The following KLHL26 variants were observed in gnomAD, a reference collection of about 807,000 sequenced individuals.
KLHL26 encodes the protein kelch like family member 26.
KLHL26 carries 4 observed loss-of-function variants against 7.1 expected under a neutral mutation model. That is an observed-to-expected ratio of 0.56 (90% CI 0.28 to 1.28). The LOEUF is 1.28. KLHL26 is among the 50% of genes most tolerant of loss of function. KLHL26 has a pLI of 0.11. For missense variants in KLHL26, 896 were observed against 924.6 expected, an observed-to-expected ratio of 0.97 and a Z score of 0.40; for synonymous variants, 465 against 414.1, an observed-to-expected ratio of 1.12 and a Z score of -1.49.
intron 1 of KLHL26, among the ~76,000 whole-genome samples, chr19:18,653,231 C>G (rs550388358): frequency 1.3e-3 from 201 of 152,044 alleles, no homozygotes; most frequent in Non-Finnish European, 1.4e-3. Context: ...ATTTATCTGT[C>G]CATCTATCCA....
In KLHL26 at chr19:18,667,817, C is replaced by T. The variant is rs746113852; in HGVS notation, c.420C>T (p.Ala140=). ...LDCVQDVLGA[A]VFLQMLPVVE... The stretch of plus-strand genomic sequence containing the variant: ...GCGTGCAGGACGTGCTGGGCGCGGC[C>T]GTGTTCTTGCAGATGCTGCCCGTGG... Residue 140 remains alanine, a synonymous_variant, in exon 3 of 3, where the codon GCC becomes GCT. Coordinates refer to ENST00000300976, the MANE Select transcript of KLHL26 (RefSeq NM_018316.3). 3.1e-6 allele frequency: 5 copies of T among 1,613,324 alleles called. No homozygotes were observed. The South Asian group carries it at 4.4e-5, about 14-fold the overall frequency.
In KLHL26 at chr19:18,642,660, G is replaced by A. The variant is rs549402140; in HGVS notation, c.83+5523G>A. On this transcript the variant is annotated intron_variant, in intron 1 of 2. Transcript: ENST00000300976. ...ATTACAGGCGTGAGCCACTGCGCCC[G>A]GCTTGTGGTTTTTTGTTTGTTTGTT... Among the ~76,000 whole-genome samples the A allele has an allele frequency of 1.1e-4, 16 of 150,758 alleles. No individual in the cohort carries two copies. The South Asian group carries it at 3.2e-3, about 30-fold the overall frequency.
intron 2 of KLHL26, chr19:18,667,344 T>TTTTGTTTG (rs540628287): frequency 2.5e-6 from 1 of 407,724 alleles, no homozygotes; most frequent in Admixed American, 3.6e-5. Context: ...CTTTGCATGT[T>TTTTGTTTG]TTTGTTTGTT....
In KLHL26 at chr19:18,668,918, C is replaced by G; in HGVS notation, c.1521C>G (p.Gly507=). 2 of 1,606,210 alleles carry G rather than the reference C, an allele frequency of 1.2e-6. No homozygotes were observed. The highest frequency in any genetic ancestry group is 1.7e-4 in the Middle Eastern group (1 of 6,054). The change falls in exon 3 of 3, where the codon GGC becomes GGG. Residue 507 remains glycine, a synonymous_variant. Coordinates refer to ENST00000300976, the MANE Select transcript of KLHL26 (RefSeq NM_018316.3). ...TGCTACACGCCATGGTGGGTGCCGGCGGCCGCATCTATGCCCTCGGGGGCC... is the reference window on the plus strand; with the variant it reads ...TGCTACACGCCATGGTGGGTGCCGGGGGCCGCATCTATGCCCTCGGGGGCC... ...PRVLHAMVGA[G]GRIYALGGRM...
rs544214396 is a variant in KLHL26 at position 18,646,580 on chromosome 19, C to T, written c.83+9443C>T. Among the ~76,000 whole-genome samples the T allele has an allele frequency of 5.3e-5, 8 of 152,354 alleles. No individual in the cohort carries two copies. Among genetic ancestry groups the T allele is most frequent in the African/African-American group, 1.9e-4 (8 of 41,580 alleles). On this transcript the variant is annotated intron_variant, in intron 1 of 2. Transcript: ENST00000300976. The surrounding 1 kb of genome is among the most constrained non-coding windows in gnomAD (Gnocchi z 5.0). ...TGGGTTGTGGCTGTGACAGATTCCT[C>T]ATCTGGGAAATGGGGCTCCAGGCCC...
intron 1 of KLHL26, among the ~76,000 whole-genome samples, chr19:18,641,573 G>A (rs4808841): frequency 0.38 from 55,720 of 148,390 alleles, 10,897 homozygotes; most frequent in East Asian, 0.51. Context: ...CCTGCCTCAG[G>A]CTCCCAAAGT....
intron 1 of KLHL26, among the ~76,000 whole-genome samples, chr19:18,638,203 T>G (rs1219352712): frequency 6.6e-6 from 1 of 152,196 alleles, no homozygotes; most frequent in Non-Finnish European, 1.5e-5. Context: ...ACATGATAAA[T>G]GATGAAGTTG....
chr19:18,638,062 T>C (rs1278521835), intron 1 of KLHL26, among the ~76,000 whole-genome samples: 3 of 152,190 alleles, frequency 2.0e-5, no homozygotes, highest in Non-Finnish European at 4.4e-5. Flanking sequence ...GATCTCCTGC[T>C]CTTTTCCTAT....
intron 2 of KLHL26, chr19:18,667,343 T>G: frequency 1.2e-5 from 5 of 410,120 alleles, no homozygotes; most frequent in Non-Finnish European, 1.8e-5. Context: ...CCTTTGCATG[T>G]TTTTGTTTGT....
intron 1 of KLHL26, among the ~76,000 whole-genome samples, chr19:18,638,082 C>T (rs1327408307): frequency 6.6e-6 from 1 of 152,212 alleles, no homozygotes; most frequent in Non-Finnish European, 1.5e-5. Context: ...TTGGGCAAAG[C>T]CAGACCCTCC....
At chr19:18,639,890 T>C (rs1397535307) in intron 1 of KLHL26, among the ~76,000 whole-genome samples, 1 of 152,122 alleles carries the variant, frequency 6.6e-6, no homozygotes, top group Non-Finnish European at 1.5e-5. Flanking sequence ...CTTTGCCTTT[T>C]CTAGAAATTT....
intron 1 of KLHL26, among the ~76,000 whole-genome samples, chr19:18,644,932 C>A (rs1052942002): frequency 7.2e-5 from 11 of 152,130 alleles, no homozygotes; most frequent in Non-Finnish European, 1.6e-4. Flanking sequence ...CCACCCCCGA[C>A]CGCCCCCAAC....
chr19:18,668,424 G>C lies in KLHL26; in HGVS notation c.1027G>C (p.Glu343Gln). 6.2e-7 allele frequency: 1 copy of C among 1,611,254 alleles called. No individual in the cohort carries two copies. Among genetic ancestry groups the C allele is most frequent in the Non-Finnish European group, 8.5e-7 (1 of 1,179,670 alleles). ...LPEPGARHFRELTEMEVGCSH... is the reference protein window; with the variant it reads ...LPEPGARHFRQLTEMEVGCSH... Reference sequence around the variant, plus strand: ...TGAGCCGGGAGCCCGCCACTTCCGCGAGCTCACGGAGATGGAGGTAGGCTG... The same window carrying C: ...TGAGCCGGGAGCCCGCCACTTCCGCCAGCTCACGGAGATGGAGGTAGGCTG... The change falls in exon 3 of 3, where the codon GAG (glutamate) becomes CAG (glutamine). Residue 343 changes from glutamate to glutamine, a missense_variant. Coordinates refer to ENST00000300976, the MANE Select transcript of KLHL26 (RefSeq NM_018316.3).
intron 1 of KLHL26, chr19:18,659,777 C>T (rs970191484): frequency 3.3e-5 from 5 of 152,268 alleles, no homozygotes; most frequent in Non-Finnish European, 5.9e-5. Flanking sequence ...GGGCGCCTGC[C>T]CTGACAGGTG....
rs2052328922 is a variant in KLHL26, at chr19:18,656,009, T to G, written c.84-8252T>G. Among the ~76,000 whole-genome samples, 1 of 152,086 alleles carries G rather than the reference T, an allele frequency of 6.6e-6. No individual in the cohort carries two copies. Among genetic ancestry groups the G allele is most frequent in the Non-Finnish European group, 1.5e-5 (1 of 68,014 alleles). ...GAGGGGTGGCCACACGTATCCATCA[T>G]CCACCCACCCATGCCTCCAGCCTCC... On this transcript the variant is annotated intron_variant, in intron 1 of 2. Coordinates refer to ENST00000300976, the MANE Select transcript of KLHL26 (RefSeq NM_018316.3). This position sits in a 1 kb window ranked among gnomAD's most constrained non-coding sequence, Gnocchi z 4.4.
rs1976880209 is a variant in KLHL26 at position 18,650,179 on chromosome 19, CG to C, written c.83+13044del. On this transcript the variant is annotated intron_variant, in intron 1 of 2. Transcript: ENST00000300976. This position sits in a 1 kb window ranked among gnomAD's most constrained non-coding sequence, Gnocchi z 4.2. ...TGTGAAATTCCACAGGGGTCAAAGA[CG>C]GACCCGGGCGGGAGCGGTCTGGGCT... is the stretch of plus-strand genomic sequence containing the variant. Among the ~76,000 whole-genome samples the C allele has an allele frequency of 6.6e-6, 1 of 151,996 alleles. No individual in the cohort carries two copies.
chr19:18,657,685 GTCC>G, intron 1 of KLHL26, among the ~76,000 whole-genome samples: 1 of 152,292 alleles, frequency 6.6e-6, no homozygotes. Context: ...TCTCCCACTT[GTCC>G]ATCCAGAAGC....
At chr19:18,658,846 G>C (rs899237942) in intron 1 of KLHL26, among the ~76,000 whole-genome samples, 4 of 136,628 alleles carry the variant, frequency 2.9e-5, no homozygotes, top group Non-Finnish European at 4.7e-5. Flanking sequence ...CCCTTTCTCT[G>C]GGTCTCTGTC....
chr19:18,651,167 CCTT>C (rs1401463599), intron 1 of KLHL26, among the ~76,000 whole-genome samples: 1 of 152,178 alleles, frequency 6.6e-6, no homozygotes, highest in African/African-American at 2.4e-5. Context: ...TCTGTGGCTC[CCTT>C]CTTTCAGCTC....
Sources: gnomAD v4.1 joint callset for allele counts (sites outside exome capture counted in the v4.1 genomes callset) on GRCh38, gnomAD v4.1.1 for gene constraint, Gnocchi (gnomAD v3.1) non-coding constraint, MANE v1.5 for transcripts, NCBI Gene and HGNC (gene_info 2026-07-23, HGNC 2026-07-21) for gene names.